Variants in GRIK2 observed in about 807,000 individuals in gnomAD.
GRIK2 encodes glutamate receptor ionotropic, kainate 2.
Under a neutral mutation model 100.3 loss-of-function variants are expected in GRIK2, and 32 were observed. That is an observed-to-expected ratio of 0.32 (90% CI 0.24 to 0.43). The LOEUF (loss-of-function observed/expected upper bound fraction) is 0.43. Among genes scored for constraint, GRIK2 ranks in the 20% least tolerant of loss-of-function variants. The pLI, the probability that GRIK2 is intolerant of heterozygous loss-of-function variation, is 1.00. For missense variants in GRIK2, 843 were observed against 1,114.9 expected (o/e 0.76, Z 3.47); for synonymous variants, 417 against 389.4 (o/e 1.07, Z -0.83).
chr6:101,833,070 A>G (rs1044878674), intron 10 of GRIK2, among the ~76,000 whole-genome samples: 23 of 152,234 alleles, frequency 1.5e-4, no homozygotes, highest in African/African-American at 4.1e-4. Context: ...TGCTATAAAT[A>G]TAGAAAAATA....
At chr6:101,762,885 T>G (rs2128392940) in intron 7 of GRIK2, among the ~76,000 whole-genome samples, 1 of 152,292 alleles carries the variant, frequency 6.6e-6, no homozygotes, top group East Asian at 1.9e-4. Flanking sequence ...ACATTTTGGA[T>G]TTTTAAAAAT....
At chr6:101,440,551 C>A (rs758568707) in intron 2 of GRIK2, among the ~76,000 whole-genome samples, 6 of 152,070 alleles carry the variant, frequency 3.9e-5, no homozygotes, top group Non-Finnish European at 7.4e-5. Context: ...ATTATTATGC[C>A]CAGTTGGAAG....
At chr6:101,824,508 G>A (rs1303472846) in intron 10 of GRIK2, among the ~76,000 whole-genome samples, 1 of 152,072 alleles carries the variant, frequency 6.6e-6, no homozygotes, top group Non-Finnish European at 1.5e-5. Context: ...TTTCACTCCT[G>A]TCTGACTATG....
chr6:101,651,306 C>T (rs536605421), intron 4 of GRIK2, among the ~76,000 whole-genome samples: 1 of 152,264 alleles, frequency 6.6e-6, no homozygotes, highest in African/African-American at 2.4e-5. Flanking sequence ...GGACTACAAG[C>T]TTCTGAAGAT....
chr6:102,057,164 A>G (rs1771505545), intron 16 of GRIK2, among the ~76,000 whole-genome samples: 1 of 152,046 alleles, frequency 6.6e-6, no homozygotes, highest in Non-Finnish European at 1.5e-5. Flanking sequence ...TAATATAAGA[A>G]TGAAAATCAT....
intron 2 of GRIK2, among the ~76,000 whole-genome samples, chr6:101,508,197 A>G (rs1774117827): frequency 6.6e-6 from 1 of 152,024 alleles, no homozygotes; most frequent in African/African-American, 2.4e-5. Flanking sequence ...AGACCAGGTT[A>G]AAGTTTATAA....
intron 2 of GRIK2, among the ~76,000 whole-genome samples, chr6:101,573,264 T>C (rs1777641731): frequency 6.6e-6 from 1 of 152,154 alleles, no homozygotes; most frequent in Admixed American, 6.6e-5. Context: ...GCTCGAATCA[T>C]CTTTTATTGT....
At chr6:102,005,606 T>TAAAC (rs1188361637) in intron 14 of GRIK2, among the ~76,000 whole-genome samples, 1 of 152,138 alleles carries the variant, frequency 6.6e-6, no homozygotes, top group African/African-American at 2.4e-5. Flanking sequence ...TTTGGTATAT[T>TAAAC]AAACACTTAT....
intron 7 of GRIK2, among the ~76,000 whole-genome samples, chr6:101,765,708 C>T (rs1276889989): frequency 2.6e-5 from 4 of 152,148 alleles, no homozygotes; most frequent in African/African-American, 9.7e-5. Flanking sequence ...ATGCCTCTCT[C>T]TCCCTCTCCA....
intron 16 of GRIK2, among the ~76,000 whole-genome samples, chr6:102,066,544 A>G (rs923909116): frequency 9.2e-5 from 14 of 151,760 alleles, no homozygotes; most frequent in African/African-American, 3.1e-4. Flanking sequence ...AACTTGAGCC[A>G]TGTCCTGAGG....
At chr6:101,634,517 T>A (rs1186009351) in intron 4 of GRIK2, among the ~76,000 whole-genome samples, 3 of 152,124 alleles carry the variant, frequency 2.0e-5, no homozygotes, top group African/African-American at 7.2e-5. Context: ...AGGCATATAA[T>A]GCTTCCATTG....
chr6:101,971,895 G>T (rs1179107814), intron 14 of GRIK2, among the ~76,000 whole-genome samples: 1 of 151,890 alleles, frequency 6.6e-6, no homozygotes, highest in Non-Finnish European at 1.5e-5. Context: ...ATGGCCTCCA[G>T]CTGCATGCAT....
At chr6:101,757,694 T>G (rs1777223982) in intron 7 of GRIK2, among the ~76,000 whole-genome samples, 1 of 152,218 alleles carries the variant, frequency 6.6e-6, no homozygotes, top group East Asian at 1.9e-4. Flanking sequence ...CTAAGGCCTC[T>G]CTTTCATAAA....
At chr6:101,885,037 G>A (rs539896729) in intron 11 of GRIK2, among the ~76,000 whole-genome samples, 1 of 152,212 alleles carries the variant, frequency 6.6e-6, no homozygotes, top group South Asian at 2.1e-4. Flanking sequence ...TGCTTTGATC[G>A]AAGGGTATGC....
chr6:101,470,203 C>CT lies in GRIK2; in HGVS notation c.115+70811_115+70812insT, dbSNP rs1562160830. Among the ~76,000 whole-genome samples the CT allele has an allele frequency of 8.5e-5, 13 of 152,318 alleles. No individual in the cohort carries two copies. In the East Asian group the frequency reaches 2.5e-3, roughly 29 times the overall value. On this transcript the variant is annotated intron_variant, in intron 2 of 16. Coordinates refer to ENST00000369134, the MANE Select transcript of GRIK2 (RefSeq NM_021956.5). ...CCCAGTGGCTTCACCGGAACTGAAG[C>CT]AGTACTCTGGACTACCCACGTTAGC...
At chr6:101,789,916 C>T (rs986429740) in intron 7 of GRIK2, among the ~76,000 whole-genome samples, 1 of 152,076 alleles carries the variant, frequency 6.6e-6, no homozygotes, top group Non-Finnish European at 1.5e-5. Context: ...TGAAGAGGTC[C>T]TTCACGTCCC....
chr6:101,769,043 A>AT (rs1460818933), intron 7 of GRIK2, among the ~76,000 whole-genome samples: 1 of 152,128 alleles, frequency 6.6e-6, no homozygotes, highest in Admixed American at 6.6e-5. Flanking sequence ...TATTGCTCTG[A>AT]TTTTTTTATA....
At chr6:101,515,678 A>AT (rs1180709753) in intron 2 of GRIK2, among the ~76,000 whole-genome samples, 1 of 152,074 alleles carries the variant, frequency 6.6e-6, no homozygotes, top group African/African-American at 2.4e-5. Flanking sequence ...GATGTTGAGC[A>AT]TTTTTTCATA....
At chr6:102,030,039 T>C (rs12203318) in intron 14 of GRIK2, among the ~76,000 whole-genome samples, 11,161 of 151,332 alleles carry the variant, frequency 0.074, 576 homozygotes, top group Middle Eastern at 0.2. Flanking sequence ...CTTTCAAGTA[T>C]AAATTTGCAG....
Sources: gnomAD v4.1 joint callset for allele counts (sites outside exome capture counted in the v4.1 genomes callset) on GRCh38, gnomAD v4.1.1 for gene constraint, MANE v1.5 for transcripts, NCBI Gene and HGNC (gene_info 2026-07-23, HGNC 2026-07-21) for gene names.